DZIP1L: variants seen among roughly 807,000 people sequenced by gnomAD.
The protein encoded by DZIP1L is DAZ interacting zinc finger protein 1 like.
DZIP1L carries 90 observed loss-of-function variants against 88.7 expected under a neutral mutation model. The ratio of observed to expected loss-of-function variants is 1.02; its 90% CI spans 0.86 to 1.21. DZIP1L has a LOEUF of 1.21. DZIP1L is among the 50% of genes most tolerant of loss of function. DZIP1L has a pLI of 0.00. For missense variants in DZIP1L, 932 were observed against 955.8 expected (o/e 0.98, Z 0.33); for synonymous variants, 363 against 372.1 (o/e 0.98, Z 0.28).
Position 138,063,093 on chromosome 3 carries a change from G to A in DZIP1L, c.2143-116C>T. The A allele has an allele frequency of 8.6e-7, 1 of 1,169,412 alleles. No homozygotes were observed. Among genetic ancestry groups the A allele is most frequent in the Non-Finnish European group, 1.2e-6 (1 of 828,610 alleles). The allele number at this position is 1,169,412 out of a possible 1,614,324, so 72.4% of individuals were successfully genotyped here. A position where few individuals can be genotyped will look rare whatever the true frequency, so the allele number is the denominator to read the frequency against. On this transcript the variant is annotated intron_variant, in intron 15 of 15. Coordinates refer to ENST00000327532, the MANE Select transcript of DZIP1L (RefSeq NM_173543.3). The surrounding 1 kb of genome is among the most constrained non-coding windows in gnomAD (Gnocchi z 4.1). The stretch of plus-strand genomic sequence containing the variant: ...TGGAAATGGGGACAAATGCAGACTG[G>A]GAAGAAAGCAATAGGGAGATGCTAC...
At chr3:138,112,209 G>T (rs1030947207) in intron 1 of DZIP1L, among the ~76,000 whole-genome samples, 1 of 152,128 alleles carries the variant, frequency 6.6e-6, no homozygotes, top group Admixed American at 6.5e-5. Context: ...GCTCAGAGAA[G>T]CTAAGATCCC....
chr3:138,077,610 T>C lies in DZIP1L; in HGVS notation c.1311A>G (p.Glu437=). The change falls in exon 11 of 16, where the codon GAA becomes GAG. Residue 437 remains glutamate, a synonymous_variant. Coordinates refer to ENST00000327532, the MANE Select transcript of DZIP1L (RefSeq NM_173543.3). ...PEEEMEDSQD[E]QHKVLAALRR... Reference sequence around the variant, plus strand: ...TCAGAGCTGCCAGCACCTTGTGCTGTTCATCCTGGGAGTCCTCCATCTCTG... The same window carrying C: ...TCAGAGCTGCCAGCACCTTGTGCTGCTCATCCTGGGAGTCCTCCATCTCTG... 6.2e-7 allele frequency: 1 copy of C among 1,614,146 alleles called. No homozygotes were observed. The highest frequency in any genetic ancestry group is 8.5e-7 in the Non-Finnish European group (1 of 1,180,024).
intron 6 of DZIP1L, among the ~76,000 whole-genome samples, chr3:138,087,273 A>G (rs1943986850): frequency 6.6e-6 from 1 of 152,246 alleles, no homozygotes; most frequent in South Asian, 2.1e-4. Flanking sequence ...CTTATTACAC[A>G]TCTTAAAGCA....
Position 138,071,810 on chromosome 3 carries a change from G to A in DZIP1L, c.1448C>T (p.Thr483Ile), listed in dbSNP as rs747614039. The A allele has an allele frequency of 9.9e-6, 16 of 1,613,894 alleles. No homozygotes were observed. The highest frequency in any genetic ancestry group is 1.4e-5 in the Non-Finnish European group (16 of 1,179,926). Residue 483 changes from threonine to isoleucine, a missense_variant, in exon 12 of 16, where the codon ACT becomes ATT. Physicochemically the swap from Thr to Ile is moderately conservative, Grantham distance 89. Coordinates refer to ENST00000327532, the MANE Select transcript of DZIP1L (RefSeq NM_173543.3). ...RKDAKGISIQTLRHLESLLRV... is the reference protein window; with the variant it reads ...RKDAKGISIQILRHLESLLRV... ...CAGCAGGGATTCCAGGTGTCTGAGA[G>A]TCTGAATCGAGATTCCCTTTGCATC...
In DZIP1L at chr3:138,094,960, G is replaced by C; in HGVS notation, c.610C>G (p.Pro204Ala). ...AGCTCTTCTAACACCTCTTCCACTG[G>C]CTGTTCCTGTTTCTTCTGTTTTCCT... ...EGGKQKKQEQ[P>A]VEEVLEELRA... Residue 204 changes from proline to alanine, a missense_variant, in exon 4 of 16, where the codon CCA becomes GCA. Transcript: ENST00000327532. The C allele has an allele frequency of 1.2e-6, 2 of 1,614,186 alleles. No homozygotes were observed. Among genetic ancestry groups the C allele is most frequent in the East Asian group, 2.2e-5 (1 of 44,878 alleles).
Position 138,063,719 on chromosome 3 carries a change from G to C in DZIP1L, c.2143-742C>G, listed in dbSNP as rs149334037. 2.3e-3 allele frequency among the ~76,000 whole-genome samples: 349 copies of C among 152,370 alleles called. 2 individuals carry two copies. The highest frequency in any genetic ancestry group is 7.9e-3 in the African/African-American group (330 of 41,584). The stretch of plus-strand genomic sequence containing the variant: ...TGAGCGGCGCCTCAATCTGTTTGGG[G>C]CTGTTGGTGCTCTTTCACAATTTGG... On this transcript the variant is annotated intron_variant, in intron 15 of 15. Coordinates refer to ENST00000327532, the MANE Select transcript of DZIP1L (RefSeq NM_173543.3). This position sits in a 1 kb window ranked among gnomAD's most constrained non-coding sequence, Gnocchi z 4.1.
intron 2 of DZIP1L, among the ~76,000 whole-genome samples, chr3:138,099,624 G>T (rs1426713763): frequency 1.3e-5 from 2 of 152,158 alleles, no homozygotes; most frequent in Non-Finnish European, 1.5e-5. Context: ...GGAGGTATCT[G>T]GGTCATGGGG....
chr3:138,108,454 C>T (rs1393457450), intron 1 of DZIP1L, among the ~76,000 whole-genome samples: 1 of 152,146 alleles, frequency 6.6e-6, no homozygotes, highest in Non-Finnish European at 1.5e-5. Context: ...CACTCTCTCT[C>T]TCATCTCTCC....
In DZIP1L at chr3:138,086,961, C is replaced by T. The variant is rs1309557121; in HGVS notation, c.1062G>A (p.Glu354=). The T allele has an allele frequency of 1.2e-6, 2 of 1,613,608 alleles. No homozygotes were observed. The highest frequency in any genetic ancestry group is 1.7e-6 in the Non-Finnish European group (2 of 1,179,858). Residue 354 remains glutamate (E), a splice_region_variant and synonymous_variant, in exon 7 of 16, where the codon GAG becomes GAA. Transcript: ENST00000327532. The part of the protein sequence containing the change: ...LHEEHMAEKK[E]LQEENQRLQA... Reference sequence around the variant, plus strand: ...CCCGAGATCACCCAACAAAAGCTACCTCTTTCTTCTCAGCCATGTGCTCTT... The same window carrying T: ...CCCGAGATCACCCAACAAAAGCTACTTCTTTCTTCTCAGCCATGTGCTCTT...
chr3:138,109,119 G>A (rs1248197482), intron 1 of DZIP1L, among the ~76,000 whole-genome samples: 1 of 152,212 alleles, frequency 6.6e-6, no homozygotes, highest in East Asian at 1.9e-4. Flanking sequence ...TACACTGAGT[G>A]ATATTCAAAG....
At chr3:138,091,511 C>T (rs1022650036) in intron 5 of DZIP1L, among the ~76,000 whole-genome samples, 4 of 150,692 alleles carry the variant, frequency 2.7e-5, no homozygotes, top group African/African-American at 7.3e-5. Flanking sequence ...CCAGTTACTC[C>T]GGAGGCTGAG....
chr3:138,104,129 C>T (rs1187616922), intron 1 of DZIP1L, 77 bp from the exon 2 acceptor site: 1 of 1,358,104 alleles, frequency 7.4e-7, no homozygotes, highest in Non-Finnish European at 9.7e-7. Flanking sequence ...CAGCAAGGGC[C>T]TAAGCGGGGC....
rs1390653634 is a variant in DZIP1L at position 138,092,485 on chromosome 3, T to C, written c.768A>G (p.Lys256=). The C allele has an allele frequency of 6.2e-7, 1 of 1,601,826 alleles. No homozygotes were observed. The highest frequency in any genetic ancestry group is 1.7e-5 in the Admixed American group (1 of 57,394). ...CATAAAGTTTGGTCCACTCTTGCTC[T>C]TTCCATTTATCAAATTCTTTCTTAG... The part of the protein sequence containing the change: ...IEAKKEFDKW[K]EQEWTKLYGE... Residue 256 remains lysine, a synonymous_variant, in exon 5 of 16, where the codon AAA becomes AAG. Coordinates refer to ENST00000327532, the MANE Select transcript of DZIP1L (RefSeq NM_173543.3).
intron 5 of DZIP1L, among the ~76,000 whole-genome samples, chr3:138,090,405 G>A (rs959072404): frequency 1.3e-5 from 2 of 152,264 alleles, no homozygotes; most frequent in South Asian, 4.1e-4. Context: ...GAAGTGTGGG[G>A]GTCAGGAGAT....
At position 138,088,365 on chromosome 3, in the gene DZIP1L, G is replaced by T; in HGVS notation, c.999+14C>A. The stretch of plus-strand genomic sequence containing the variant: ...GGCTTCCTCTGGGAAGAAAGGCATG[G>T]AGCATCAGCTCACCTGAATTTCTGT... On this transcript the variant is annotated intron_variant, in intron 6 of 15. Transcript: ENST00000327532. 1.9e-6 allele frequency: 3 copies of T among 1,606,412 alleles called. No homozygotes were observed. The highest frequency in any genetic ancestry group is 2.5e-6 in the Non-Finnish European group (3 of 1,176,654).
At chr3:138,085,355 C>T (rs969767555) in intron 7 of DZIP1L, among the ~76,000 whole-genome samples, 2 of 152,250 alleles carry the variant, frequency 1.3e-5, no homozygotes, top group East Asian at 1.9e-4. Context: ...GCAACCTACT[C>T]ATCTGACAAA....
Position 138,062,874 on chromosome 3 carries a change from G to T in DZIP1L, c.2246C>A (p.Pro749Gln), listed in dbSNP as rs774927015. The T allele has an allele frequency of 6.2e-7, 1 of 1,614,154 alleles. No homozygotes were observed. The highest frequency in any genetic ancestry group is 1.7e-5 in the Admixed American group (1 of 60,028). The change falls in exon 16 of 16, where the codon CCA (proline) becomes CAA (glutamine). Residue 749 changes from proline (P) to glutamine (Q), a missense_variant. By Grantham distance (76) the Pro-to-Gln change is moderately conservative. Coordinates refer to ENST00000327532, the MANE Select transcript of DZIP1L (RefSeq NM_173543.3). ...KPKPLSRSKL[P>Q]EKFGTGPQSS... ...CTGTGGACCAGTGCCAAACTTCTCT[G>T]GGAGCTTTGAGCGAGACAAGGGCTT... is the stretch of plus-strand genomic sequence containing the variant.
rs1348931897 is a variant in DZIP1L at position 138,102,107 on chromosome 3, G to A, written c.501+1364C>T. ...CAGCCTCAGCCCAGCTGCAGTTGGC[G>A]ATCTCCTTGTACTGTGCCTTGACCT... On this transcript the variant is annotated intron_variant, in intron 2 of 15. Transcript: ENST00000327532. 1.4e-4 allele frequency: 198 copies of A among 1,437,550 alleles called. 1 individual carries two copies. The highest frequency in any genetic ancestry group is 1.8e-4 in the Non-Finnish European group (183 of 1,026,368). 89.0% of individuals were successfully genotyped at this position (1,437,550 alleles called of 1,614,324 possible). A position where few individuals can be genotyped will look rare whatever the true frequency, so the allele number is the denominator to read the frequency against.
chr3:138,068,551 A>G (rs1250954648), intron 12 of DZIP1L, among the ~76,000 whole-genome samples, 184 bp from the exon 13 acceptor site: 1 of 152,184 alleles, frequency 6.6e-6, no homozygotes, highest in Non-Finnish European at 1.5e-5. Context: ...ATTCGAGGCT[A>G]GGACCACAGT....
Sources: gnomAD v4.1 joint callset for allele counts (sites outside exome capture counted in the v4.1 genomes callset) on GRCh38, gnomAD v4.1.1 for gene constraint, Gnocchi (gnomAD v3.1) non-coding constraint, MANE v1.5 for transcripts, NCBI Gene and HGNC (gene_info 2026-07-23, HGNC 2026-07-21) for gene names.